Variants in NRXN1 observed in about 807,000 individuals in gnomAD.
The protein encoded by NRXN1 is neurexin-1.
Under a neutral mutation model 150.9 loss-of-function variants are expected in NRXN1, and 39 were observed. That is an observed-to-expected ratio of 0.26 (90% CI 0.20 to 0.34). The LOEUF is 0.34. NRXN1 is among the 10% of genes least tolerant of loss of function. The pLI, the probability that NRXN1 is intolerant of heterozygous loss-of-function variation, is 1.00. For missense variants in NRXN1, 1,815 were observed against 1,949.9 expected (o/e 0.93, Z 1.30); for synonymous variants, 924 against 757.0 (o/e 1.22, Z -3.62).
chr2:50,134,234 T>G (rs1706020971), intron 18 of NRXN1, among the ~76,000 whole-genome samples: 1 of 144,010 alleles, frequency 6.9e-6, no homozygotes, highest in South Asian at 2.2e-4. Flanking sequence ...ACAAAAAGGG[T>G]GTTGAGGTAT....
At chr2:50,199,731 A>T (rs532799000) in intron 18 of NRXN1, among the ~76,000 whole-genome samples, 2 of 152,106 alleles carry the variant, frequency 1.3e-5, no homozygotes, top group Non-Finnish European at 2.9e-5. Context: ...AATGTTTGGC[A>T]TCATTTTGGG....
intron 2 of NRXN1, among the ~76,000 whole-genome samples, chr2:51,017,150 T>C (rs961046909): frequency 6.6e-6 from 1 of 151,938 alleles, no homozygotes; most frequent in African/African-American, 2.4e-5. Context: ...AAATACCTAA[T>C]ATAGATGACG....
intron 21 of NRXN1, among the ~76,000 whole-genome samples, chr2:49,993,518 G>A (rs968449779): frequency 6.6e-6 from 1 of 152,156 alleles, no homozygotes; most frequent in Non-Finnish European, 1.5e-5. Context: ...TCCACAGAAT[G>A]TACGACATTC....
chr2:50,239,105 A>G (rs1038240995), intron 17 of NRXN1, among the ~76,000 whole-genome samples: 4 of 151,812 alleles, frequency 2.6e-5, no homozygotes, highest in African/African-American at 9.7e-5. Flanking sequence ...TGTTCATCAT[A>G]ATCTTTATAG....
chr2:50,638,462 A>C (rs1340563955), intron 5 of NRXN1, among the ~76,000 whole-genome samples: 1 of 152,326 alleles, frequency 6.6e-6, no homozygotes, highest in East Asian at 1.9e-4. Flanking sequence ...GCAATCAAAA[A>C]GCAGAGCACA....
intron 17 of NRXN1, among the ~76,000 whole-genome samples, chr2:50,412,365 TAAA>T (rs1445084241): frequency 6.6e-6 from 1 of 151,424 alleles, no homozygotes; most frequent in East Asian, 1.9e-4. Context: ...AAAATAATCT[TAAA>T]GAGACATAAT....
intron 5 of NRXN1, among the ~76,000 whole-genome samples, chr2:50,875,933 G>A (rs1443474867): frequency 2.6e-5 from 4 of 151,796 alleles, no homozygotes; most frequent in African/African-American, 9.7e-5. Flanking sequence ...ACAACCAGAG[G>A]ACTCAAGTTC....
intron 5 of NRXN1, among the ~76,000 whole-genome samples, chr2:50,809,901 T>C (rs765701070): frequency 3.9e-5 from 6 of 152,192 alleles, no homozygotes; most frequent in African/African-American, 7.2e-5. Context: ...AAAACAGGCA[T>C]ACCTGTCAAT....
chr2:50,166,074 T>A (rs1276752405), intron 18 of NRXN1, among the ~76,000 whole-genome samples: 1 of 152,090 alleles, frequency 6.6e-6, no homozygotes, highest in Non-Finnish European at 1.5e-5. Context: ...TCTAAAAATT[T>A]GAAATCCAAA....
intron 5 of NRXN1, among the ~76,000 whole-genome samples, chr2:50,674,281 A>C (rs985046509): frequency 1.3e-5 from 2 of 152,122 alleles, no homozygotes; most frequent in African/African-American, 4.8e-5. Context: ...GGGCATAAGA[A>C]ACATAAGTTA....
intron 21 of NRXN1, among the ~76,000 whole-genome samples, chr2:50,007,653 C>A (rs1266431059): frequency 6.6e-6 from 1 of 152,066 alleles, no homozygotes; most frequent in African/African-American, 2.4e-5. Context: ...TGGCTGGGTT[C>A]CAAGTCTTTG....
At chr2:50,298,214 C>G (rs1232362073) in intron 17 of NRXN1, among the ~76,000 whole-genome samples, 2 of 152,240 alleles carry the variant, frequency 1.3e-5, no homozygotes, top group African/African-American at 4.8e-5. Context: ...GTCCCAATAT[C>G]TTTACCACTG....
At chr2:50,861,228 A>G (rs1320366499) in intron 5 of NRXN1, among the ~76,000 whole-genome samples, 1 of 151,922 alleles carries the variant, frequency 6.6e-6, no homozygotes, top group Non-Finnish European at 1.5e-5. Context: ...AGATCTTATT[A>G]TTTTGAGACA....
intron 18 of NRXN1, among the ~76,000 whole-genome samples, chr2:50,209,035 G>A (rs1020291537): frequency 6.6e-6 from 1 of 151,940 alleles, no homozygotes; most frequent in Non-Finnish European, 1.5e-5. Context: ...GAAAGCCCAA[G>A]CCTTAAGTCA....
Position 50,319,636 on chromosome 2 carries a change from T to C in NRXN1, c.3365-82666A>G, listed in dbSNP as rs571723361. Among the ~76,000 whole-genome samples, 11 of 152,236 alleles carry C rather than the reference T, an allele frequency of 7.2e-5. No individual in the cohort carries two copies. The East Asian group carries it at 1.9e-3, about 27-fold the overall frequency. ...GATTCCAGGCATTCATTAGCTCTCA[T>C]GGAAGCACCTGTGTGGAGAAAACTA... is the stretch of plus-strand genomic sequence containing the variant. On this transcript the variant is annotated intron_variant, in intron 17 of 22. Coordinates refer to ENST00000401669, the MANE Select transcript of NRXN1 (RefSeq NM_001330078.2).
chr2:50,697,145 AAG>A (rs1233311730), intron 5 of NRXN1, among the ~76,000 whole-genome samples: 2 of 152,214 alleles, frequency 1.3e-5, no homozygotes, highest in Admixed American at 1.3e-4. Context: ...GGAAGTGAAA[AAG>A]AGAAATAAAA....
rs111545313 is a variant in NRXN1 at position 50,487,858 on chromosome 2, C to T, written c.3070+8047G>A. 3.1e-3 allele frequency among the ~76,000 whole-genome samples: 479 copies of T among 152,272 alleles called. 2 individuals carry two copies. Among genetic ancestry groups the T allele is most frequent in the African/African-American group, 0.011 (464 of 41,566 alleles). On this transcript the variant is annotated intron_variant, in intron 15 of 22. Coordinates refer to ENST00000401669, the MANE Select transcript of NRXN1 (RefSeq NM_001330078.2). ...AGTCTGGTTAGGACCCTCGCATCTG[C>T]ACAGAAGGTAAAAATCTAAGGTCCT...
chr2:50,210,862 G>T (rs906227913), intron 18 of NRXN1, among the ~76,000 whole-genome samples: 3 of 151,166 alleles, frequency 2.0e-5, no homozygotes, highest in Admixed American at 6.6e-5. Context: ...GATATATTTA[G>T]CTTTTAAAAA....
chr2:50,514,027 C>G lies in NRXN1; in HGVS notation c.2375-7410G>C, dbSNP rs372191356. On this transcript the variant is annotated intron_variant, in intron 12 of 22. Coordinates refer to ENST00000401669, the MANE Select transcript of NRXN1 (RefSeq NM_001330078.2). ...TATATATACTCTGGTACAGTGCAAA[C>G]CAATTGGTTCTAAAGTTCACTTTAT... Among the ~76,000 whole-genome samples the G allele has an allele frequency of 7.2e-5, 11 of 152,216 alleles. No homozygotes were observed. The East Asian group carries it at 2.1e-3, about 29-fold the overall frequency.
Sources: allele counts gnomAD v4.1 joint callset (sites outside exome capture counted in the v4.1 genomes callset), GRCh38; gene constraint gnomAD v4.1.1; transcripts MANE v1.5; gene names NCBI Gene and HGNC (gene_info 2026-07-23, HGNC 2026-07-21).